The following ZFHX3 variants were observed in gnomAD, a reference collection of about 807,000 sequenced individuals.
The protein encoded by ZFHX3 is zinc finger homeobox protein 3.
Under a neutral mutation model 279.1 loss-of-function variants are expected in ZFHX3, and 42 were observed. The observed-to-expected ratio is 0.15, with a 90% confidence interval of 0.12 to 0.19. ZFHX3 has a LOEUF of 0.19. ZFHX3 is among the 10% of genes least tolerant of loss of function. ZFHX3 has a pLI of 1.00. For synonymous variants in ZFHX3, 2,293 were observed against 1,957.8 expected, an observed-to-expected ratio of 1.17 and a Z score of -4.52; for missense variants, 4,981 against 4,754.0, an observed-to-expected ratio of 1.05 and a Z score of -1.40.
intron 1 of ZFHX3, among the ~76,000 whole-genome samples, chr16:73,730,352 C>CAAAAAAAAAAAAAA (rs66477968): frequency 2.5e-5 from 2 of 81,166 alleles, no homozygotes; most frequent in African/African-American, 1.0e-4. Context: ...CCTCCCCTCG[C>CAAAAAAAAAAAAAA]AAAAAAAAAA....
rs559646680 is a variant in ZFHX3, at chr16:73,420,105, A to G, written c.-1291+35898T>C. On this transcript the variant is annotated intron_variant, in intron 3 of 17. Coordinates refer to the ZFHX3 transcript ENST00000641206. ...GTACTTTTTCTAGGGACAGCGTTTCACTATGTTGTCCAGGCTTGTTTCAAA... is the reference window on the plus strand; with the variant it reads ...GTACTTTTTCTAGGGACAGCGTTTCGCTATGTTGTCCAGGCTTGTTTCAAA... The G allele has an allele frequency of 2.0e-5, 3 of 152,022 alleles. No individual in the cohort carries two copies. The East Asian group carries it at 5.8e-4, about 30-fold the overall frequency. 9.4% of individuals were successfully genotyped at this position (152,022 alleles called of 1,614,324 possible). A position where few individuals can be genotyped will look rare whatever the true frequency, so the allele number is the denominator to read the frequency against.
At chr16:73,438,907 C>T (rs1380418057) in intron 3 of ZFHX3, among the ~76,000 whole-genome samples, 1 of 152,136 alleles carries the variant, frequency 6.6e-6, no homozygotes, top group African/African-American at 2.4e-5. Flanking sequence ...CAGCCAGGAC[C>T]AGAGACAAAG....
intron 3 of ZFHX3, among the ~76,000 whole-genome samples, chr16:72,907,543 ATTTGTG>A (rs1567576815): frequency 1.2e-5 from 1 of 80,064 alleles, no homozygotes; most frequent in Non-Finnish European, 2.3e-5. Context: ...GGTTTCCTCT[ATTTGTG>A]TGTGTGTGTG....
intron 4 of ZFHX3, among the ~76,000 whole-genome samples, chr16:72,868,999 A>G (rs1300154066): frequency 1.3e-5 from 2 of 152,258 alleles, no homozygotes; most frequent in Non-Finnish European, 2.9e-5. Flanking sequence ...CAAAATCCAA[A>G]TAACAGAGAA....
intron 3 of ZFHX3, among the ~76,000 whole-genome samples, chr16:73,377,863 C>A (rs1356458982): frequency 1.3e-5 from 2 of 151,226 alleles, no homozygotes; most frequent in Non-Finnish European, 3.0e-5. Flanking sequence ...GAAACTCCAT[C>A]TCTACTAAAA....
Position 72,889,980 on chromosome 16 carries a change from G to A in ZFHX3, c.3217-18C>T, listed in dbSNP as rs1597350406. 1 of 1,605,966 alleles carries A rather than the reference G, an allele frequency of 6.2e-7. No individual in the cohort carries two copies. Among genetic ancestry groups the A allele is most frequent in the South Asian group, 1.1e-5 (1 of 89,618 alleles). On this transcript the variant is annotated intron_variant, in intron 3 of 9. Coordinates refer to ENST00000268489, the MANE Select transcript of ZFHX3 (RefSeq NM_006885.4). ...TGCAGGTGCTGCAAGTAACAAAAGA[G>A]AAAGACATGCCTTGGGTAAGCCACT...
At chr16:73,638,117 T>A (rs1388018950) in intron 2 of ZFHX3, among the ~76,000 whole-genome samples, 3 of 152,306 alleles carry the variant, frequency 2.0e-5, no homozygotes, top group African/African-American at 7.2e-5. Context: ...TGTAGCCATA[T>A]CCTTCAAGAG....
Position 72,794,295 on chromosome 16 carries a change from G to T in ZFHX3, c.8387C>A (p.Pro2796His), listed in dbSNP as rs2035821092. Residue 2796 changes from proline to histidine, a missense_variant, in exon 9 of 10, where the codon CCC becomes CAC. By Grantham distance (77) the Pro-to-His change is moderately conservative. Around this residue, in one of 7 missense-constraint regions of ZFHX3, gnomAD observed 744 missense variants for 701.3 expected, o/e 1.06. Transcript: ENST00000268489. This position sits in a 1 kb window ranked among gnomAD's most constrained non-coding sequence, Gnocchi z 4.2. ...GGAGGAAGGGCTTAGAAGAGTTCTG[G>T]GTGACAATTCCATGGTTTTACTCAC... The part of the protein sequence containing the change: ...SPVSKTMELS[P>H]RTLLSPSSIK... 6.2e-7 allele frequency: 1 copy of T among 1,611,714 alleles called. No homozygotes were observed. Among genetic ancestry groups the T allele is most frequent in the Admixed American group, 1.7e-5 (1 of 59,826 alleles).
intron 4 of ZFHX3, among the ~76,000 whole-genome samples, chr16:72,836,972 T>C (rs1200075882): frequency 1.3e-5 from 2 of 152,208 alleles, no homozygotes; most frequent in East Asian, 1.9e-4. Flanking sequence ...TCTTTTCCAA[T>C]GGGCAAACTC....
intron 8 of ZFHX3, 46 bp downstream of exon 8, chr16:72,799,981 T>C (rs779271219): frequency 6.4e-7 from 1 of 1,560,368 alleles, no homozygotes; most frequent in Non-Finnish European, 8.8e-7. Flanking sequence ...CATTTTGGCA[T>C]TCCATCTTGT....
At chr16:72,799,489 C>A (rs1047872242) in intron 8 of ZFHX3, among the ~76,000 whole-genome samples, 1 of 152,152 alleles carries the variant, frequency 6.6e-6, no homozygotes, top group Non-Finnish European at 1.5e-5. Context: ...TAGAGGTGAA[C>A]GATGTAGGAC....
chr16:73,581,935 A>C (rs1409765482), intron 2 of ZFHX3, among the ~76,000 whole-genome samples: 1 of 151,612 alleles, frequency 6.6e-6, no homozygotes, highest in Non-Finnish European at 1.5e-5. Flanking sequence ...TGGCCTCCCA[A>C]AGTGCTGGGA....
chr16:73,850,194 C>T (rs762015363), intron 1 of ZFHX3, among the ~76,000 whole-genome samples: 10 of 152,130 alleles, frequency 6.6e-5, no homozygotes, highest in Non-Finnish European at 1.5e-4. Flanking sequence ...TACTTTAGAC[C>T]GTGGGTTTTG....
At chr16:73,622,723 C>T (rs372637131) in intron 2 of ZFHX3, among the ~76,000 whole-genome samples, 1 of 152,150 alleles carries the variant, frequency 6.6e-6, no homozygotes, top group Non-Finnish European at 1.5e-5. Flanking sequence ...TGGTATCGCC[C>T]CCCCAACCTA....
intron 4 of ZFHX3, among the ~76,000 whole-genome samples, chr16:73,294,736 C>T (rs548749808): frequency 2.0e-5 from 3 of 150,822 alleles, no homozygotes; most frequent in African/African-American, 4.9e-5. Context: ...CACTTGAACC[C>T]GGGAGGCAGA....
chr16:73,157,465 T>TTAAAAAAAAAAAAAAAA (rs1346539597), intron 5 of ZFHX3, among the ~76,000 whole-genome samples: 2 of 76,522 alleles, frequency 2.6e-5, no homozygotes, highest in Non-Finnish European at 2.3e-5. Flanking sequence ...GAATGTTTGG[T>TTAAAAAAAAAAAAAAAA]AAAAAAAAAA....
At chr16:73,672,621 T>C (rs1437401388) in intron 2 of ZFHX3, among the ~76,000 whole-genome samples, 1 of 145,240 alleles carries the variant, frequency 6.9e-6, no homozygotes, top group Non-Finnish European at 1.5e-5. Flanking sequence ...CAAAAGTTAT[T>C]ATTTTTCGAA....
chr16:73,760,370 C>T (rs1435806640), intron 1 of ZFHX3, among the ~76,000 whole-genome samples: 1 of 152,136 alleles, frequency 6.6e-6, no homozygotes, highest in Admixed American at 6.5e-5. Context: ...CAAAAAGGAG[C>T]TGGTACCATT....
intron 1 of ZFHX3, among the ~76,000 whole-genome samples, chr16:73,878,332 G>C (rs1234597750): frequency 6.6e-6 from 1 of 152,104 alleles, no homozygotes; most frequent in African/African-American, 2.4e-5. Context: ...TTTTTATAAA[G>C]AGAGTTTGAA....
Sources: allele counts gnomAD v4.1 joint callset (sites outside exome capture counted in the v4.1 genomes callset), GRCh38; gene constraint gnomAD v4.1.1; regional missense constraint gnomAD v4.1.1; non-coding constraint Gnocchi (gnomAD v3.1); transcripts MANE v1.5; gene names NCBI Gene and HGNC (gene_info 2026-07-23, HGNC 2026-07-21).